The following HECW2 variants were observed in gnomAD, a reference collection of about 807,000 sequenced individuals.
The protein encoded by HECW2 is E3 ubiquitin-protein ligase HECW2.
HECW2 carries 61 observed loss-of-function variants against 175.2 expected under a neutral mutation model. That is an observed-to-expected ratio of 0.35 (90% CI 0.28 to 0.43). The LOEUF is 0.43. HECW2 is among the 20% of genes least tolerant of loss of function. The pLI is 1.00. For missense variants in HECW2, 1,524 were observed against 2,000.5 expected, an observed-to-expected ratio of 0.76 and a Z score of 4.54; for synonymous variants, 671 against 731.0, an observed-to-expected ratio of 0.92 and a Z score of 1.32.
chr2:196,212,965 G>A (rs1687345250), intron 28 of HECW2, among the ~76,000 whole-genome samples: 1 of 152,196 alleles, frequency 6.6e-6, no homozygotes, highest in Non-Finnish European at 1.5e-5. Context: ...CTCTTCCATT[G>A]TGCAACTTAA....
At chr2:196,561,251 C>T (rs777495139) in intron 1 of HECW2, among the ~76,000 whole-genome samples, 31 of 152,220 alleles carry the variant, frequency 2.0e-4, no homozygotes, top group African/African-American at 5.5e-4. Flanking sequence ...GGATAAAACA[C>T]GCCCTGGCCT....
chr2:196,227,515 G>A (rs752143663), intron 22 of HECW2, among the ~76,000 whole-genome samples: 3 of 152,018 alleles, frequency 2.0e-5, no homozygotes, highest in Non-Finnish European at 4.4e-5. Context: ...TGGCTAATAC[G>A]GTAAGTGGCC....
chr2:196,572,047 A>G (rs928833701), intron 1 of HECW2, among the ~76,000 whole-genome samples: 3 of 152,260 alleles, frequency 2.0e-5, no homozygotes, highest in African/African-American at 7.2e-5. Context: ...CAAATACTGT[A>G]TGAGTCCACT....
At chr2:196,520,726 C>T (rs1688332667) in intron 1 of HECW2, among the ~76,000 whole-genome samples, 1 of 152,098 alleles carries the variant, frequency 6.6e-6, no homozygotes, top group Non-Finnish European at 1.5e-5. Flanking sequence ...ACAGTTTTTC[C>T]ACTGTAGCTT....
At chr2:196,517,477 A>G (rs1259508458) in intron 1 of HECW2, among the ~76,000 whole-genome samples, 1 of 152,072 alleles carries the variant, frequency 6.6e-6, no homozygotes, top group Admixed American at 6.6e-5. Context: ...TACTGAAATA[A>G]AGTCTGTATT....
At chr2:196,293,882 T>C (rs892719428) in intron 13 of HECW2, among the ~76,000 whole-genome samples, 8 of 152,178 alleles carry the variant, frequency 5.3e-5, no homozygotes, top group Non-Finnish European at 1.0e-4. Flanking sequence ...GGACATGCAA[T>C]GGAATGAGTT....
At chr2:196,554,579 G>A (rs1309507010) in intron 1 of HECW2, among the ~76,000 whole-genome samples, 1 of 152,190 alleles carries the variant, frequency 6.6e-6, no homozygotes, top group Admixed American at 6.5e-5. Context: ...GCCAAAATAT[G>A]TGCCCCACCT....
At chr2:196,504,976 C>T (rs1396940123) in intron 1 of HECW2, among the ~76,000 whole-genome samples, 4 of 152,058 alleles carry the variant, frequency 2.6e-5, no homozygotes, top group Non-Finnish European at 5.9e-5. Flanking sequence ...AGAGCTCTAC[C>T]TATATCTGTA....
chr2:196,526,656 G>A (rs376098525), intron 1 of HECW2, among the ~76,000 whole-genome samples: 2 of 140,398 alleles, frequency 1.4e-5, no homozygotes, highest in African/African-American at 6.2e-5. Flanking sequence ...ATGGGTTTTC[G>A]GTGTGGATGT....
Position 196,307,132 on chromosome 2 carries a change from G to A in HECW2, c.2687C>T (p.Ala896Val), listed in dbSNP as rs767738195. The A allele has an allele frequency of 6.2e-7, 1 of 1,604,420 alleles. No individual in the cohort carries two copies. Among genetic ancestry groups the A allele is most frequent in the African/African-American group, 1.3e-5 (1 of 74,692 alleles). The change falls in exon 12 of 29, where the codon GCA becomes GTA. Residue 896 changes from alanine (A) to valine (V), a missense_variant and splice_region_variant. Physicochemically the swap from Ala to Val is moderately conservative, Grantham distance 64. This residue lies in a region of HECW2 where 105 missense variants were observed against 98.1 expected (regional missense o/e 1.07). Coordinates refer to ENST00000644978, the MANE Select transcript of HECW2 (RefSeq NM_001348768.2). ...AAAACAAAGCCCAAAGCTCTTACCT[G>A]CACTGGCTTGGTGAAAGTCAGCTTC... ...GEEADFHQAS[A>V]DFRRENILPH...
At chr2:196,268,891 G>A (rs1689620540) in intron 17 of HECW2, among the ~76,000 whole-genome samples, 2 of 152,188 alleles carry the variant, frequency 1.3e-5, no homozygotes, top group Admixed American at 1.3e-4. Context: ...GCTTGTTTCT[G>A]CAATTTTTTA....
At chr2:196,278,719 T>C (rs1575346379) in intron 14 of HECW2, 57 bp from the exon 15 acceptor site, 7 of 1,589,670 alleles carry the variant, frequency 4.4e-6, no homozygotes, top group South Asian at 2.2e-5. Context: ...AGCTGACTTA[T>C]AACATCAGAC....
intron 19 of HECW2, among the ~76,000 whole-genome samples, chr2:196,250,756 T>C (rs1688824307): frequency 6.6e-6 from 1 of 152,134 alleles, no homozygotes; most frequent in Admixed American, 6.5e-5. Context: ...ACCACTTTCC[T>C]TCCACTCACG....
intron 3 of HECW2, among the ~76,000 whole-genome samples, chr2:196,341,613 T>G (rs1290899175): frequency 1.3e-5 from 2 of 152,238 alleles, no homozygotes; most frequent in Non-Finnish European, 2.9e-5. Context: ...TATGCTGTGC[T>G]ATTAGCTAGG....
intron 2 of HECW2, 81 bp from the exon 3 acceptor site, chr2:196,343,845 T>A: frequency 3.3e-6 from 3 of 897,774 alleles, no homozygotes; most frequent in Admixed American, 2.0e-5. Flanking sequence ...AGTTCTAAAA[T>A]AAATGGAAAA....
At chr2:196,416,061 T>C (rs886974328) in intron 2 of HECW2, among the ~76,000 whole-genome samples, 3 of 152,228 alleles carry the variant, frequency 2.0e-5, no homozygotes, top group Non-Finnish European at 4.4e-5. Context: ...TAGAGATAGC[T>C]TTTCTTACTA....
intron 14 of HECW2, 88 bp downstream of exon 14, chr2:196,292,477 G>A: frequency 9.1e-7 from 1 of 1,095,864 alleles, no homozygotes; most frequent in East Asian, 2.4e-5. Context: ...AAGAGCCTTG[G>A]CCCTCACTTG....
At chr2:196,553,483 G>A (rs977063285) in intron 1 of HECW2, among the ~76,000 whole-genome samples, 1 of 152,148 alleles carries the variant, frequency 6.6e-6, no homozygotes, top group Non-Finnish European at 1.5e-5. Context: ...AGACTACTGA[G>A]GAGACAGATA....
chr2:196,425,066 C>G (rs1425918672), intron 2 of HECW2, among the ~76,000 whole-genome samples: 4 of 152,014 alleles, frequency 2.6e-5, no homozygotes, highest in African/African-American at 9.7e-5. Flanking sequence ...TCCAGAAATC[C>G]TAGAGCCCTT....
Sources: gnomAD v4.1 joint callset for allele counts (sites outside exome capture counted in the v4.1 genomes callset) on GRCh38, gnomAD v4.1.1 for gene constraint, gnomAD v4.1.1 regional missense constraint, MANE v1.5 for transcripts, NCBI Gene and HGNC (gene_info 2026-07-23, HGNC 2026-07-21) for gene names.